The following PRKCE variants were observed in gnomAD, a reference collection of about 807,000 sequenced individuals.
The protein encoded by PRKCE is protein kinase C epsilon.
Under a neutral mutation model 85.4 loss-of-function variants are expected in PRKCE, and 16 were observed. The observed-to-expected ratio is 0.19, with a 90% CI of 0.13 to 0.28. The LOEUF is 0.28. PRKCE is among the 10% of genes least tolerant of loss of function. PRKCE has a pLI of 1.00. For missense variants in PRKCE, 573 were observed against 975.2 expected (o/e 0.59, Z 5.49); for synonymous variants, 388 against 371.5 (o/e 1.04, Z -0.51).
In PRKCE at chr2:45,940,894, A is replaced by G. The variant is rs191002512; in HGVS notation, c.413-35535A>G. Among the ~76,000 whole-genome samples, 297 of 85,648 alleles carry G rather than the reference A, an allele frequency of 3.5e-3. 2 individuals carry two copies. Among genetic ancestry groups the G allele is most frequent in the African/African-American group, 0.012 (249 of 21,488 alleles). The allele number at this position is 85,648 out of a possible 152,430, so 56.2% of individuals were successfully genotyped here. A position where few individuals can be genotyped will look rare whatever the true frequency, so the allele number is the denominator to read the frequency against. ...GCCAACATGGTGAAACCCCATCTCT[A>G]TTAAAAATACAAAAAAAAAAAATTA... On this transcript the variant is annotated intron_variant, in intron 2 of 14. Coordinates refer to ENST00000306156, the MANE Select transcript of PRKCE (RefSeq NM_005400.3).
chr2:46,001,714 A>G lies in PRKCE; in HGVS notation c.966+168A>G, dbSNP rs1244909019. On this transcript the variant is annotated intron_variant, in intron 7 of 14. Transcript: ENST00000306156. The surrounding 1 kb of genome is among the most constrained non-coding windows in gnomAD (Gnocchi z 4.4). ...AACAAAGATAGAAGCCAGGCAGGTAACATTAATGTCTTCTTGAGCTCCAAA... is the reference window on the plus strand; with the variant it reads ...AACAAAGATAGAAGCCAGGCAGGTAGCATTAATGTCTTCTTGAGCTCCAAA... 6.6e-6 allele frequency among the ~76,000 whole-genome samples: 1 copy of G among 152,214 alleles called. No individual in the cohort carries two copies. The highest frequency in any genetic ancestry group is 1.5e-5 in the Non-Finnish European group (1 of 68,034).
chr2:46,151,046 G>A lies in PRKCE; in HGVS notation c.1737G>A (p.Leu579=), dbSNP rs61759986. The change falls in exon 13 of 15, where the codon CTG becomes CTA. Residue 579 remains leucine, a synonymous_variant. Coordinates refer to ENST00000306156, the MANE Select transcript of PRKCE (RefSeq NM_005400.3). ...ATTGCTGGTTTCCTGAACAGATCCT[G>A]CAGGAGTTGGAGTATGGCCCCTCCG... ...GTPDYIAPEI[L]QELEYGPSVD... 586 of 1,598,068 alleles carry A rather than the reference G, an allele frequency of 3.7e-4. 4 individuals are homozygous for A. The African/African-American group carries it at 7.1e-3, about 19-fold the overall frequency.
intron 10 of PRKCE, among the ~76,000 whole-genome samples, chr2:46,029,680 T>C (rs1219182852): frequency 8.2e-6 from 1 of 121,504 alleles, no homozygotes; most frequent in Non-Finnish European, 1.7e-5. Flanking sequence ...TTTGTCGTCG[T>C]ATGGGTTTTT....
chr2:45,880,469 C>T (rs1268353054), intron 2 of PRKCE, among the ~76,000 whole-genome samples: 1 of 152,202 alleles, frequency 6.6e-6, no homozygotes, highest in African/African-American at 2.4e-5. Flanking sequence ...TCACCTCTTA[C>T]AAAGAGACTT....
At chr2:45,955,804 AAAAC>A (rs1266316106) in intron 2 of PRKCE, among the ~76,000 whole-genome samples, 1 of 152,232 alleles carries the variant, frequency 6.6e-6, no homozygotes, top group Admixed American at 6.5e-5. Context: ...ATTTAAAAAA[AAAAC>A]AAAGTGTCAT....
intron 10 of PRKCE, among the ~76,000 whole-genome samples, chr2:46,027,170 A>G (rs1235539184): frequency 6.6e-6 from 1 of 152,120 alleles, no homozygotes; most frequent in Admixed American, 6.5e-5. Context: ...CCCTGTCTCA[A>G]AAATAAATAA....
chr2:45,706,158 G>T (rs755619153), intron 1 of PRKCE, among the ~76,000 whole-genome samples: 4 of 152,156 alleles, frequency 2.6e-5, no homozygotes, highest in Non-Finnish European at 5.9e-5. Flanking sequence ...AGCCCTGGGG[G>T]AAAAGAATTC....
chr2:45,703,413 T>C (rs943480701), intron 1 of PRKCE, among the ~76,000 whole-genome samples: 1 of 152,032 alleles, frequency 6.6e-6, no homozygotes, highest in African/African-American at 2.4e-5. Context: ...TGGCATGTAC[T>C]TGTAGTCCCA....
chr2:45,978,913 C>A (rs532673983), intron 3 of PRKCE, 63 bp from the exon 4 acceptor site: 2 of 1,522,832 alleles, frequency 1.3e-6, no homozygotes, highest in South Asian at 2.3e-5. Flanking sequence ...GGTGGTTTTT[C>A]TGTTTGTTTT....
chr2:46,000,457 TAA>T (rs58175194), intron 6 of PRKCE, among the ~76,000 whole-genome samples: 40,930 of 148,696 alleles, frequency 0.28, 5,681 homozygotes, highest in South Asian at 0.3. Context: ...CAATCTCTGA[TAA>T]AAAAAAAAAA....
chr2:45,886,006 C>T (rs957070684), intron 2 of PRKCE, among the ~76,000 whole-genome samples: 1 of 152,178 alleles, frequency 6.6e-6, no homozygotes, highest in African/African-American at 2.4e-5. Context: ...TGAATCTTTC[C>T]CACTGAACTC....
At chr2:46,064,820 T>A (rs1432264022) in intron 10 of PRKCE, among the ~76,000 whole-genome samples, 1 of 152,226 alleles carries the variant, frequency 6.6e-6, no homozygotes, top group Non-Finnish European at 1.5e-5. Flanking sequence ...AGAATTTTGC[T>A]ACTTGATGCT....
chr2:45,889,504 A>G (rs1470211432), intron 2 of PRKCE, among the ~76,000 whole-genome samples: 1 of 132,316 alleles, frequency 7.6e-6, no homozygotes, highest in African/African-American at 2.9e-5. Context: ...TGTGTGTGTC[A>G]TTCTCAGGCA....
At chr2:45,734,451 G>T (rs567421944) in intron 1 of PRKCE, among the ~76,000 whole-genome samples, 1 of 152,300 alleles carries the variant, frequency 6.6e-6, no homozygotes, top group East Asian at 1.9e-4. Context: ...AGTCCTGAAA[G>T]ACAGTATACT....
intron 1 of PRKCE, among the ~76,000 whole-genome samples, chr2:45,663,573 A>G (rs1186563587): frequency 1.3e-5 from 2 of 152,116 alleles, no homozygotes; most frequent in Non-Finnish European, 2.9e-5. Flanking sequence ...CACAAGGTCA[A>G]GAGATCGAGA....
chr2:46,099,833 A>C (rs556398893), intron 11 of PRKCE, among the ~76,000 whole-genome samples: 1 of 152,098 alleles, frequency 6.6e-6, no homozygotes, highest in African/African-American at 2.4e-5. Context: ...TTTCTAATGG[A>C]CTTCTCACTG....
chr2:46,164,029 C>T (rs527484102), intron 14 of PRKCE, among the ~76,000 whole-genome samples: 1 of 152,254 alleles, frequency 6.6e-6, no homozygotes, highest in African/African-American at 2.4e-5. Context: ...GGGCAGATTG[C>T]CATCACAAGA....
At position 45,853,854 on chromosome 2, in the gene PRKCE, A is replaced by G. The variant is rs183305085; in HGVS notation, c.412+10791A>G. On this transcript the variant is annotated intron_variant, in intron 2 of 14. Transcript: ENST00000306156. ...TCGGATACTTACTAGGGACTTTCCA[A>G]TGCCACTCAGGGCCCGCATGCACAC... Among the ~76,000 whole-genome samples, 39 of 152,278 alleles carry G rather than the reference A, an allele frequency of 2.6e-4. 1 individual carries two copies. Among genetic ancestry groups the G allele is most frequent in the African/African-American group, 7.0e-4 (29 of 41,552 alleles).
chr2:45,780,727 C>T (rs939909524), intron 1 of PRKCE, among the ~76,000 whole-genome samples: 7 of 152,252 alleles, frequency 4.6e-5, no homozygotes, highest in African/African-American at 1.7e-4. Context: ...ACCATCTGGT[C>T]AGCCAGGGTT....
Sources: gnomAD v4.1 joint callset for allele counts (sites outside exome capture counted in the v4.1 genomes callset) on GRCh38, gnomAD v4.1.1 for gene constraint, Gnocchi (gnomAD v3.1) non-coding constraint, MANE v1.5 for transcripts, NCBI Gene and HGNC (gene_info 2026-07-23, HGNC 2026-07-21) for gene names.